ARNT2: variants seen among roughly 807,000 people sequenced by gnomAD.
ARNT2 encodes ARNT protein 2.
A neutral mutation model predicts 91.7 loss-of-function variants in ARNT2; 36 were observed. That is an observed-to-expected ratio of 0.39 (90% CI 0.30 to 0.52). The LOEUF (loss-of-function observed/expected upper bound fraction) is 0.52. ARNT2 is among the 20% of genes least tolerant of loss of function. The probability of loss-of-function intolerance (pLI) is 0.72; values close to 1 mark genes in which losing one functional copy is unlikely to be tolerated. For missense variants in ARNT2, 775 were observed against 939.3 expected (o/e 0.83, Z 2.29); for synonymous variants, 365 against 347.1 (o/e 1.05, Z -0.57).
At chr15:80,412,384 A>G (rs899500488) in intron 1 of ARNT2, among the ~76,000 whole-genome samples, 3 of 152,230 alleles carry the variant, frequency 2.0e-5, no homozygotes, top group African/African-American at 7.2e-5. Flanking sequence ...CCCACAATAA[A>G]GATCTGTGTT....
chr15:80,578,013 A>T (rs1007921490), intron 15 of ARNT2, among the ~76,000 whole-genome samples: 1 of 152,212 alleles, frequency 6.6e-6, no homozygotes, highest in South Asian at 2.1e-4. Context: ...GCAATAGTCA[A>T]GCCCTCCAGA....
Position 80,514,326 on chromosome 15 carries a change from C to A in ARNT2, c.798C>A (p.Gly266=), listed in dbSNP as rs756292634. The change falls in exon 8 of 19, where the codon GGC becomes GGA. Residue 266 remains glycine (G), a synonymous_variant. Coordinates refer to ENST00000303329, the MANE Select transcript of ARNT2 (RefSeq NM_014862.4). ...ITTMRKRFRN[G]LGPVKEGEAQ... The stretch of plus-strand genomic sequence containing the variant: ...CACAAATGTTCTTTTTTAGGAATGG[C>A]CTTGGCCCTGTGAAAGAAGGAGAAG... 6.2e-7 allele frequency: 1 copy of A among 1,614,094 alleles called. No individual in the cohort carries two copies. The highest frequency in any genetic ancestry group is 8.5e-7 in the Non-Finnish European group (1 of 1,179,986).
chr15:80,445,436 TGTGA>T (rs1480383764), intron 1 of ARNT2, among the ~76,000 whole-genome samples: 2 of 149,148 alleles, frequency 1.3e-5, no homozygotes, highest in Non-Finnish European at 3.0e-5. Flanking sequence ...GTGTGGTGTG[TGTGA>T]GTGTTGTGTA....
In ARNT2 at chr15:80,510,632, T is replaced by C. The variant is rs572433847; in HGVS notation, c.725+2374T>C. Among the ~76,000 whole-genome samples the C allele has an allele frequency of 2.1e-3, 314 of 151,752 alleles. 1 individual carries two copies. Among genetic ancestry groups the C allele is most frequent in the Non-Finnish European group, 3.7e-3 (251 of 67,952 alleles). On this transcript the variant is annotated intron_variant, in intron 6 of 18. Transcript: ENST00000303329. ...GATCACGAGGTCAAGAGATCAAGAC[T>C]ATCCTGGCCAACATGGTGAAACCCC...
At chr15:80,414,411 G>T (rs1454495471) in intron 1 of ARNT2, among the ~76,000 whole-genome samples, 3 of 152,138 alleles carry the variant, frequency 2.0e-5, no homozygotes, top group Admixed American at 6.5e-5. Flanking sequence ...TCTGGACAGT[G>T]GCAACTAGAA....
At chr15:80,448,279 A>T (rs1245541484) in intron 1 of ARNT2, among the ~76,000 whole-genome samples, 1 of 152,202 alleles carries the variant, frequency 6.6e-6, no homozygotes. Context: ...TTACCTCATG[A>T]TAGGTCATTT....
In ARNT2 at chr15:80,474,994, A is replaced by T. The variant is rs770619103; in HGVS notation, c.409-16A>T. ...TCTGTCAGTGTATTGTGCCAATCAT[A>T]ATCTTTTCTTTATAGGAACTGAAGC... On this transcript the variant is annotated splice_polypyrimidine_tract_variant and intron_variant, in intron 4 of 18. Transcript: ENST00000303329. 4 of 1,613,342 alleles carry T rather than the reference A, an allele frequency of 2.5e-6. No individual in the cohort carries two copies. The highest frequency in any genetic ancestry group is 2.2e-5 in the South Asian group (2 of 91,068).
In ARNT2 at chr15:80,457,950, T is replaced by C. The variant is rs549343999; in HGVS notation, c.168T>C (p.Asp56=). 2 of 1,614,070 alleles carry C rather than the reference T, an allele frequency of 1.2e-6. No homozygotes were observed. Among genetic ancestry groups the C allele is most frequent in the African/African-American group, 1.3e-5 (1 of 75,076 alleles). ...RRSGMDFDDE[D]GEGPSKFSRE... is the part of the protein sequence containing the mutation. The stretch of plus-strand genomic sequence containing the variant: ...TCAGAATGGACTTCGATGATGAAGA[T>C]GGTGAAGGCCCCAGTAAATTTTCAA... The change falls in exon 3 of 19, where the codon GAT becomes GAC. Residue 56 remains aspartate (D), a synonymous_variant. Transcript: ENST00000303329.
chr15:80,468,854 C>G lies in ARNT2; in HGVS notation c.195-1364C>G, dbSNP rs144653827. On this transcript the variant is annotated intron_variant, in intron 3 of 18. Coordinates refer to ENST00000303329, the MANE Select transcript of ARNT2 (RefSeq NM_014862.4). ...AAGGTTCATGGTGGATGGCTCAGGTCGCTCTGCAGTGACCTGTACTGCAGT... is the reference window on the plus strand; with the variant it reads ...AAGGTTCATGGTGGATGGCTCAGGTGGCTCTGCAGTGACCTGTACTGCAGT... Among the ~76,000 whole-genome samples the G allele has an allele frequency of 3.5e-3, 526 of 152,310 alleles. 4 individuals are homozygous for G. The highest frequency in any genetic ancestry group is 0.012 in the African/African-American group (506 of 41,564).
chr15:80,567,907 G>A (rs7403073), intron 12 of ARNT2, among the ~76,000 whole-genome samples: 50,414 of 152,024 alleles, frequency 0.33, 9,126 homozygotes, highest in East Asian at 0.75. Context: ...TTTGTGAGGC[G>A]AAACTTTGCC....
At chr15:80,526,491 G>C (rs1025062707) in intron 8 of ARNT2, among the ~76,000 whole-genome samples, 1 of 152,162 alleles carries the variant, frequency 6.6e-6, no homozygotes, top group East Asian at 1.9e-4. Flanking sequence ...ACCATCGTCC[G>C]ACCTGCCTGG....
At chr15:80,416,888 G>T (rs1179836977) in intron 1 of ARNT2, among the ~76,000 whole-genome samples, 1 of 152,090 alleles carries the variant, frequency 6.6e-6, no homozygotes, top group Non-Finnish European at 1.5e-5. Flanking sequence ...ACTAAGGAAA[G>T]ACGATTAGTC....
In ARNT2 at chr15:80,542,385, C is replaced by T. The variant is rs138911617; in HGVS notation, c.878-8814C>T. ...TTCACTTCTAGGCTGATGAAACTTA[C>T]AATTGAGAATTATTTTATTTTATTG... On this transcript the variant is annotated intron_variant, in intron 8 of 18. Transcript: ENST00000303329. 1.2e-3 allele frequency among the ~76,000 whole-genome samples: 176 copies of T among 152,304 alleles called. 1 individual carries two copies. The highest frequency in any genetic ancestry group is 4.1e-3 in the African/African-American group (172 of 41,566).
In ARNT2 at chr15:80,596,937, T is replaced by C. The variant is rs1487122462; in HGVS notation, c.*3239T>C. 2 of 355,766 alleles carry C rather than the reference T, an allele frequency of 5.6e-6. No individual in the cohort carries two copies. The highest frequency in any genetic ancestry group is 1.1e-5 in the Non-Finnish European group (2 of 180,664). The allele number at this position is 355,766 out of a possible 1,614,324, so 22.0% of individuals were successfully genotyped here. The stretch of plus-strand genomic sequence containing the variant: ...GCGTCACTCCCCCCAGTTTTATTTT[T>C]AGCTTTGGCTTCAGGGAGTGACAGC... On this transcript the variant is annotated 3_prime_UTR_variant, in exon 19 of 19. Transcript: ENST00000303329.
At chr15:80,494,531 A>G (rs1381380913) in intron 5 of ARNT2, among the ~76,000 whole-genome samples, 1 of 152,182 alleles carries the variant, frequency 6.6e-6, no homozygotes, top group African/African-American at 2.4e-5. Context: ...AGCATATTCT[A>G]AACAGGATGA....
intron 14 of ARNT2, 99 bp from the exon 15 acceptor site, chr15:80,576,767 G>A (rs1165963451): frequency 1.9e-5 from 25 of 1,295,804 alleles, no homozygotes; most frequent in East Asian, 2.3e-5. Flanking sequence ...GTGTCCTCCC[G>A]TTCCCACGCC....
At chr15:80,449,504 A>C (rs1896355986) in intron 1 of ARNT2, among the ~76,000 whole-genome samples, 1 of 152,092 alleles carries the variant, frequency 6.6e-6, no homozygotes, top group Non-Finnish European at 1.5e-5. Flanking sequence ...CTTTAAGAGG[A>C]GGATTTTTTT....
rs538875199 is a variant in ARNT2 at position 80,482,964 on chromosome 15, G to T, written c.622+7741G>T. Among the ~76,000 whole-genome samples, 3 of 152,288 alleles carry T rather than the reference G, an allele frequency of 2.0e-5. No homozygotes were observed. In the South Asian group the frequency reaches 6.2e-4, roughly 32 times the overall value. ...CTGGATTGAGTCCACTGTTATTCTT[G>T]GCTTTGCCAAGCTCTTTGATCTCTG... On this transcript the variant is annotated intron_variant, in intron 5 of 18. Coordinates refer to ENST00000303329, the MANE Select transcript of ARNT2 (RefSeq NM_014862.4).
chr15:80,542,327 G>A (rs1190003736), intron 8 of ARNT2, among the ~76,000 whole-genome samples: 1 of 152,100 alleles, frequency 6.6e-6, no homozygotes, highest in Non-Finnish European at 1.5e-5. Flanking sequence ...TTAAAGGACT[G>A]GTATCTTAGG....
Sources: allele counts gnomAD v4.1 joint callset (sites outside exome capture counted in the v4.1 genomes callset), GRCh38; gene constraint gnomAD v4.1.1; transcripts MANE v1.5; gene names NCBI Gene and HGNC (gene_info 2026-07-23, HGNC 2026-07-21).